ABCC1: variants seen among roughly 807,000 people sequenced by gnomAD.
The protein encoded by ABCC1 is ATP binding cassette subfamily C member 1 (ABCC1 blood group), also known as multidrug resistance-associated protein 1.
A neutral mutation model predicts 172.9 loss-of-function variants in ABCC1; 83 were observed. The ratio of observed to expected loss-of-function variants is 0.48; its 90% CI spans 0.40 to 0.58. The LOEUF (loss-of-function observed/expected upper bound fraction) is 0.58. Ranked by LOEUF, ABCC1 falls within the 20% of genes least tolerant of loss-of-function variation. The pLI is 0.00. For synonymous variants in ABCC1, 937 were observed against 825.2 expected, an observed-to-expected ratio of 1.14 and a Z score of -2.32; for missense variants, 1,817 against 2,002.7, an observed-to-expected ratio of 0.91 and a Z score of 1.77.
At chr16:15,962,405 A>G (rs1429666617) in intron 1 of ABCC1, among the ~76,000 whole-genome samples, 1 of 152,216 alleles carries the variant, frequency 6.6e-6, no homozygotes, top group Non-Finnish European at 1.5e-5. Flanking sequence ...TCTGATCACA[A>G]GTGACATGTG....
chr16:16,031,335 G>A (rs1567330187), intron 5 of ABCC1, among the ~76,000 whole-genome samples: 1 of 152,134 alleles, frequency 6.6e-6, no homozygotes, highest in Non-Finnish European at 1.5e-5. Context: ...TAAAGCTTGT[G>A]TTTCAGAATT....
chr16:16,127,881 A>G (rs977400354), intron 26 of ABCC1, among the ~76,000 whole-genome samples: 2 of 149,698 alleles, frequency 1.3e-5, no homozygotes, highest in African/African-American at 4.9e-5. Flanking sequence ...CCAACTTGAC[A>G]CTGAATTTAA....
chr16:16,059,221 T>C (rs898186387), intron 12 of ABCC1, among the ~76,000 whole-genome samples: 1 of 152,200 alleles, frequency 6.6e-6, no homozygotes, highest in Non-Finnish European at 1.5e-5. Flanking sequence ...GAATCTGAGT[T>C]GTAACTAGTT....
chr16:16,111,615 T>G (rs1408112399), intron 22 of ABCC1, 33 bp downstream of exon 22: 11 of 1,585,080 alleles, frequency 6.9e-6, no homozygotes, highest in Non-Finnish European at 9.5e-6. Flanking sequence ...CCGCCTGATT[T>G]GGGCCCCTGT....
chr16:16,058,385 T>C (rs755875569), intron 12 of ABCC1, among the ~76,000 whole-genome samples: 6 of 152,232 alleles, frequency 3.9e-5, no homozygotes, highest in Non-Finnish European at 5.9e-5. Context: ...TATATGTTTT[T>C]CTGGCAAGTT....
chr16:15,995,407 G>T (rs1356974467), intron 1 of ABCC1, among the ~76,000 whole-genome samples: 1 of 152,118 alleles, frequency 6.6e-6, no homozygotes, highest in Non-Finnish European at 1.5e-5. Context: ...TGGCCCAGAG[G>T]CCCTTTCTGT....
At chr16:16,132,801 T>A (rs113801568) in intron 27 of ABCC1, among the ~76,000 whole-genome samples, 203 of 152,192 alleles carry the variant, frequency 1.3e-3, no homozygotes, top group South Asian at 2.3e-3. Context: ...GGATTACAGG[T>A]GTGAGCCACT....
chr16:16,033,784 C>T (rs1014083117), intron 6 of ABCC1, among the ~76,000 whole-genome samples: 13 of 152,096 alleles, frequency 8.5e-5, no homozygotes, highest in South Asian at 2.1e-4. Context: ...CCACCATGCC[C>T]GGCTACTTTT....
In ABCC1 at chr16:16,016,484, C is replaced by T. The variant is rs747322003; in HGVS notation, c.490-12C>T. The stretch of plus-strand genomic sequence containing the variant: ...ATGTGATCTTTTTCTTCCTTCCTTC[C>T]CCACCATGTAGGATGCCCAGGTGGA... On this transcript the variant is annotated splice_polypyrimidine_tract_variant and intron_variant, in intron 4 of 30. Coordinates refer to ENST00000399410, the MANE Select transcript of ABCC1 (RefSeq NM_004996.4). 2.5e-6 allele frequency: 4 copies of T among 1,613,816 alleles called. No individual in the cohort carries two copies. Among genetic ancestry groups the T allele is most frequent in the East Asian group, 2.2e-5 (1 of 44,874 alleles).
chr16:15,957,029 T>G lies in ABCC1; in HGVS notation c.48+7230T>G, dbSNP rs537433867. On this transcript the variant is annotated intron_variant, in intron 1 of 30. Coordinates refer to ENST00000399410, the MANE Select transcript of ABCC1 (RefSeq NM_004996.4). ...GAAATAATCACTTAACTGTCTGGAA[T>G]GAACACTCAGATAAACTGAGTCCTC... Among the ~76,000 whole-genome samples, 7 of 152,316 alleles carry G rather than the reference T, an allele frequency of 4.6e-5. No homozygotes were observed. In the East Asian group the frequency reaches 1.3e-3, roughly 29 times the overall value.
chr16:16,016,038 G>C (rs1453546582), intron 4 of ABCC1, among the ~76,000 whole-genome samples: 1 of 152,116 alleles, frequency 6.6e-6, no homozygotes, highest in African/African-American at 2.4e-5. Flanking sequence ...ACCCGTGATG[G>C]AGCCGGCTTT....
Position 16,075,024 on chromosome 16 carries a change from G to A in ABCC1, c.1913-1302G>A, listed in dbSNP as rs371459904. On this transcript the variant is annotated intron_variant, in intron 14 of 30. Transcript: ENST00000399410. The stretch of plus-strand genomic sequence containing the variant: ...TGCAATGGCACGATCTTGGCTCTCT[G>A]CGACCTCTGCCTTGGTTTCAAGCGA... Among the ~76,000 whole-genome samples, 23 of 148,324 alleles carry A rather than the reference G, an allele frequency of 1.6e-4. No homozygotes were observed. The South Asian group carries it at 4.2e-3, about 27-fold the overall frequency.
At chr16:16,006,889 T>TGGTGATGGTGGC (rs1451075853) in intron 1 of ABCC1, among the ~76,000 whole-genome samples, 47 of 79,858 alleles carry the variant, frequency 5.9e-4, no homozygotes, top group East Asian at 2.0e-3. Context: ...GTGATGGTGG[T>TGGTGATGGTGGC]GGTGATGGTG....
chr16:16,142,955 A>G lies in ABCC1; in HGVS notation c.*1674A>G, dbSNP rs912922935. The G allele has an allele frequency of 6.6e-6, 1 of 152,558 alleles. No homozygotes were observed. Among genetic ancestry groups the G allele is most frequent in the African/African-American group, 2.4e-5 (1 of 41,438 alleles). The allele number at this position is 152,558 out of a possible 1,614,324, so 9.5% of individuals were successfully genotyped here. Reference sequence around the variant, plus strand: ...ATATTTATTTTTTGTAAGTTATACCATTCTTTCACATTAGATAAACTAAGT... The same window carrying G: ...ATATTTATTTTTTGTAAGTTATACCGTTCTTTCACATTAGATAAACTAAGT... On this transcript the variant is annotated 3_prime_UTR_variant, in exon 31 of 31. Transcript: ENST00000399410.
At position 16,111,585 on chromosome 16, in the gene ABCC1, T is replaced by C. The variant is rs1377826667; in HGVS notation, c.3079+3T>C. Reference sequence around the variant, plus strand: ...TGGAGCCCTGGGCATTTCACAAGGTTGGTGCCGCTGTCTCCCACCCCGCCT... The same window carrying C: ...TGGAGCCCTGGGCATTTCACAAGGTCGGTGCCGCTGTCTCCCACCCCGCCT... On this transcript the variant is annotated splice_donor_region_variant and intron_variant, in intron 22 of 30. Coordinates refer to ENST00000399410, the MANE Select transcript of ABCC1 (RefSeq NM_004996.4). 5.0e-6 allele frequency: 8 copies of C among 1,611,560 alleles called. No homozygotes were observed. Among genetic ancestry groups the C allele is most frequent in the Non-Finnish European group, 5.1e-6 (6 of 1,179,330 alleles).
intron 23 of ABCC1, 113 bp downstream of exon 23, chr16:16,115,189 T>C (rs1235841472): frequency 4.2e-6 from 5 of 1,199,752 alleles, no homozygotes; most frequent in East Asian, 2.5e-5. Flanking sequence ...TTTTGAAGCA[T>C]GTAGATTTGT....
Position 16,044,556 on chromosome 16 carries a change from C to A in ABCC1, c.916C>A (p.Gln306Lys). ...GGAGGCTTTGATCGTCAAGTCCCCA[C>A]AGAAGGAGTGGAACCCCTCTCTGTT... The part of the protein sequence containing the change: ...EVEALIVKSP[Q>K]KEWNPSLFKV... The change falls in exon 8 of 31, where the codon CAG (glutamine) becomes AAG (lysine). Residue 306 changes from glutamine to lysine, a missense_variant. Physicochemically the swap from Gln to Lys is moderately conservative, Grantham distance 53. This residue lies in a region of ABCC1 where 398 missense variants were observed against 384.2 expected (regional missense o/e 1.04). Coordinates refer to ENST00000399410, the MANE Select transcript of ABCC1 (RefSeq NM_004996.4). 6.2e-7 allele frequency: 1 copy of A among 1,614,206 alleles called. No individual in the cohort carries two copies.
chr16:16,102,827 C>A, intron 20 of ABCC1, 110 bp downstream of exon 20: 1 of 995,904 alleles, frequency 1.0e-6, no homozygotes, highest in Non-Finnish European at 1.5e-6. Flanking sequence ...AAGGCCTGGG[C>A]TTTTACCTTC....
At chr16:15,949,897 G>A in intron 1 of ABCC1, 98 bp downstream of exon 1, 1 of 1,057,576 alleles carries the variant, frequency 9.5e-7, no homozygotes, top group Non-Finnish European at 1.2e-6. Context: ...CCCGCTCCCC[G>A]CTCTGCTGCC....
Sources: allele counts gnomAD v4.1 joint callset (sites outside exome capture counted in the v4.1 genomes callset), GRCh38; gene constraint gnomAD v4.1.1; regional missense constraint gnomAD v4.1.1; transcripts MANE v1.5; gene names NCBI Gene and HGNC (gene_info 2026-07-23, HGNC 2026-07-21).